The following DISC1 variants were observed in gnomAD, a reference collection of about 807,000 sequenced individuals.
DISC1 encodes the protein DISC1 scaffold protein.
DISC1 carries 57 observed loss-of-function variants against 84.5 expected under a neutral mutation model. The ratio of observed to expected loss-of-function variants is 0.67; its 90% CI spans 0.55 to 0.84. DISC1 has a LOEUF of 0.84. DISC1 is among the 40% of genes least tolerant of loss of function. The probability of loss-of-function intolerance (pLI) is 0.00; values close to 1 mark genes in which losing one functional copy is unlikely to be tolerated. For missense variants in DISC1, 1,000 were observed against 1,057.8 expected (o/e 0.95, Z 0.76); for synonymous variants, 411 against 415.2 (o/e 0.99, Z 0.12).
intron 9 of DISC1, among the ~76,000 whole-genome samples, chr1:231,905,792 C>T (rs982716282): frequency 2.0e-5 from 3 of 151,736 alleles, no homozygotes; most frequent in African/African-American, 4.8e-5. Flanking sequence ...CCTGAGGATT[C>T]GATGGTAGTA....
At chr1:231,810,869 C>T (rs1298505415) in intron 8 of DISC1, among the ~76,000 whole-genome samples, 1 of 152,208 alleles carries the variant, frequency 6.6e-6, no homozygotes, top group Non-Finnish European at 1.5e-5. Flanking sequence ...TGGATAGTTA[C>T]TAGAGAGCAA....
chr1:231,790,235 G>A (rs748544354), intron 6 of DISC1, among the ~76,000 whole-genome samples: 1 of 152,158 alleles, frequency 6.6e-6, no homozygotes, highest in African/African-American at 2.4e-5. Context: ...ACCAGTGTGC[G>A]GTGCCCTAAT....
chr1:231,806,204 A>C (rs574489823), intron 8 of DISC1, among the ~76,000 whole-genome samples: 87 of 152,318 alleles, frequency 5.7e-4, no homozygotes, highest in African/African-American at 1.9e-3. Context: ...ATTGTTAGCC[A>C]TGCATCTGAG....
Position 231,998,482 on chromosome 1 carries a change from A to G in DISC1, c.2043-10303A>G, listed in dbSNP as rs577177448. Among the ~76,000 whole-genome samples the G allele has an allele frequency of 3.3e-5, 5 of 152,314 alleles. No homozygotes were observed. In the South Asian group the frequency reaches 1.0e-3, roughly 32 times the overall value. ...GTTGTAATAACATTTATGTAAAACA[A>G]TGATAGAGAGAACATTCTAAGAGCA... On this transcript the variant is annotated intron_variant, in intron 10 of 12. Coordinates refer to ENST00000439617, the MANE Select transcript of DISC1 (RefSeq NM_018662.3).
chr1:231,777,594 A>C (rs2077049227), intron 6 of DISC1, among the ~76,000 whole-genome samples: 1 of 152,134 alleles, frequency 6.6e-6, no homozygotes, highest in Admixed American at 6.5e-5. Context: ...CAAGACAGCA[A>C]ATGCAGTGAG....
At chr1:232,004,845 ATCT>A (rs1667140379) in intron 10 of DISC1, among the ~76,000 whole-genome samples, 4 of 88,536 alleles carry the variant, frequency 4.5e-5, no homozygotes, top group African/African-American at 8.9e-5. Flanking sequence ...CCCTCGCTCC[ATCT>A]CTCCCTCCCT....
At chr1:231,744,575 T>C (rs1374717297) in intron 3 of DISC1, among the ~76,000 whole-genome samples, 1 of 152,164 alleles carries the variant, frequency 6.6e-6, no homozygotes, top group Non-Finnish European at 1.5e-5. Context: ...TAGTTTTTTT[T>C]CCATAAGAAA....
chr1:231,721,194 G>C, intron 3 of DISC1: 1 of 989,874 alleles, frequency 1.0e-6, no homozygotes, highest in Non-Finnish European at 1.3e-6. Context: ...AAACTGTGCT[G>C]ATTGAAAGGA....
At chr1:231,835,409 G>A (rs1478178893) in intron 9 of DISC1, among the ~76,000 whole-genome samples, 2 of 152,162 alleles carry the variant, frequency 1.3e-5, no homozygotes, top group African/African-American at 2.4e-5. Flanking sequence ...AGTCAAAGGG[G>A]GGTTGTTCTT....
intron 9 of DISC1, among the ~76,000 whole-genome samples, chr1:231,936,767 G>A (rs1038313724): frequency 6.6e-6 from 1 of 152,136 alleles, no homozygotes; most frequent in Non-Finnish European, 1.5e-5. Flanking sequence ...GGAGCCCATA[G>A]GAGTTTTATC....
chr1:231,819,129 T>A (rs756981405), intron 9 of DISC1: 33 of 986,182 alleles, frequency 3.3e-5, no homozygotes, highest in Non-Finnish European at 3.7e-5. Context: ...CAGAAGACGC[T>A]GGTTCAGTGC....
Position 231,922,282 on chromosome 1 carries a change from G to T in DISC1, c.1982-36546G>T, listed in dbSNP as rs1572076108. On this transcript the variant is annotated intron_variant, in intron 9 of 12. Transcript: ENST00000439617. ...GACAGACATGCACCTTGTCTTAGAT[G>T]TCGAGCTGCAGAGCAGTTTTCATGG... Among the ~76,000 whole-genome samples, 3 of 152,354 alleles carry T rather than the reference G, an allele frequency of 2.0e-5. No homozygotes were observed. The South Asian group carries it at 6.2e-4, about 32-fold the overall frequency.
At chr1:232,008,134 G>T (rs1667690833) in intron 10 of DISC1, among the ~76,000 whole-genome samples, 1 of 152,108 alleles carries the variant, frequency 6.6e-6, no homozygotes. Flanking sequence ...GTTCTTTTTA[G>T]CAGAATGAAA....
At chr1:232,016,541 T>C (rs1362553364) in intron 11 of DISC1, among the ~76,000 whole-genome samples, 1 of 152,226 alleles carries the variant, frequency 6.6e-6, no homozygotes, top group East Asian at 1.9e-4. Context: ...CTCAGTGTGC[T>C]TAAAGAAAAG....
chr1:232,020,054 C>T (rs1298247531), intron 11 of DISC1, among the ~76,000 whole-genome samples: 2 of 152,052 alleles, frequency 1.3e-5, no homozygotes, highest in Non-Finnish European at 2.9e-5. Context: ...AGTTACATGA[C>T]TCTTTGGCCA....
intron 9 of DISC1, among the ~76,000 whole-genome samples, chr1:231,926,643 C>T (rs1250201312): frequency 6.6e-6 from 1 of 152,214 alleles, no homozygotes; most frequent in East Asian, 1.9e-4. Context: ...TACTTTGAGT[C>T]CAGATATTAA....
intron 1 of DISC1, among the ~76,000 whole-genome samples, chr1:231,658,830 A>T (rs1021425794): frequency 6.6e-6 from 1 of 152,208 alleles, no homozygotes; most frequent in Non-Finnish European, 1.5e-5. Context: ...GATGAAGCCA[A>T]CTTGATTCTA....
In DISC1 at chr1:231,897,087, TG is replaced by T. The variant is rs2087753187; in HGVS notation, c.1982-61737del. Among the ~76,000 whole-genome samples, 1 of 151,638 alleles carries T rather than the reference TG, an allele frequency of 6.6e-6. No homozygotes were observed. Among genetic ancestry groups the T allele is most frequent in the Non-Finnish European group, 1.5e-5 (1 of 67,876 alleles). On this transcript the variant is annotated intron_variant, in intron 9 of 12. Transcript: ENST00000439617. The surrounding 1 kb of genome is among the most constrained non-coding windows in gnomAD (Gnocchi z 4.5). ...TGAAGAAGGAGCTGGAAGGGGAAGG[TG>T]GGGATTCAGTTTGCCTGGCAGGGCA...
At chr1:231,828,509 G>A (rs577016908) in intron 9 of DISC1, among the ~76,000 whole-genome samples, 1 of 152,288 alleles carries the variant, frequency 6.6e-6, no homozygotes, top group East Asian at 1.9e-4. Flanking sequence ...GAAGTGAAGT[G>A]ATTCTCCCCT....
Sources: gnomAD v4.1 joint callset for allele counts (sites outside exome capture counted in the v4.1 genomes callset) on GRCh38, gnomAD v4.1.1 for gene constraint, Gnocchi (gnomAD v3.1) non-coding constraint, MANE v1.5 for transcripts, NCBI Gene and HGNC (gene_info 2026-07-23, HGNC 2026-07-21) for gene names.